Variants in THSD7B observed in about 807,000 individuals in gnomAD.
THSD7B encodes thrombospondin type 1 domain containing 7B.
In THSD7B, 138 loss-of-function variants were observed where a neutral mutation model predicts 213.6. That is an observed-to-expected ratio of 0.65 (90% CI 0.56 to 0.74). The LOEUF (loss-of-function observed/expected upper bound fraction) is 0.74, where lower values mean the gene tolerates loss of function less well. THSD7B is among the 30% of genes least tolerant of loss of function. THSD7B has a pLI of 0.00. For synonymous variants in THSD7B, 742 were observed against 687.0 expected (o/e 1.08, Z -1.25); for missense variants, 1,931 against 1,991.5 (o/e 0.97, Z 0.58).
intron 2 of THSD7B, among the ~76,000 whole-genome samples, chr2:137,015,074 C>T (rs980966003): frequency 2.0e-5 from 3 of 152,032 alleles, no homozygotes; most frequent in Non-Finnish European, 4.4e-5. Context: ...TACTTATCAC[C>T]ACTTACTCAT....
intron 10 of THSD7B, among the ~76,000 whole-genome samples, chr2:137,268,462 G>A (rs1249187199): frequency 6.6e-6 from 1 of 152,096 alleles, no homozygotes; most frequent in African/African-American, 2.4e-5. Context: ...CTTAATCCAT[G>A]TTATTATTTC....
intron 15 of THSD7B, among the ~76,000 whole-genome samples, chr2:137,453,082 G>A (rs977710230): frequency 6.6e-6 from 1 of 151,914 alleles, no homozygotes; most frequent in African/African-American, 2.4e-5. Context: ...ATATAATTTA[G>A]TTTGGCTTTT....
intron 15 of THSD7B, among the ~76,000 whole-genome samples, chr2:137,494,940 C>T (rs746451183): frequency 1.3e-5 from 2 of 152,158 alleles, no homozygotes; most frequent in African/African-American, 2.4e-5. Context: ...TTTTGTATCA[C>T]CTTCTCTAAG....
intron 2 of THSD7B, among the ~76,000 whole-genome samples, chr2:136,911,791 G>A (rs1050733614): frequency 3.3e-5 from 5 of 152,162 alleles, no homozygotes; most frequent in Non-Finnish European, 5.9e-5. Context: ...ACAAGAGAGC[G>A]CTTTACAGCC....
chr2:137,588,305 G>A (rs542353863), intron 17 of THSD7B, among the ~76,000 whole-genome samples: 2 of 152,268 alleles, frequency 1.3e-5, no homozygotes, highest in East Asian at 3.9e-4. Flanking sequence ...GCCTTACCCT[G>A]CTTTGGCTCA....
chr2:137,378,227 A>G (rs76060837), intron 12 of THSD7B, among the ~76,000 whole-genome samples: 4,523 of 152,276 alleles, frequency 0.03, 233 homozygotes, highest in African/African-American at 0.1. Flanking sequence ...ACAATGTCTT[A>G]AAGAATATGA....
At chr2:137,593,387 C>T (rs372910927) in intron 17 of THSD7B, among the ~76,000 whole-genome samples, 9 of 151,990 alleles carry the variant, frequency 5.9e-5, no homozygotes, top group East Asian at 3.9e-4. Flanking sequence ...TTTACAACAA[C>T]GTAGGAAACT....
chr2:137,128,911 G>C (rs1312095858), intron 5 of THSD7B, among the ~76,000 whole-genome samples: 1 of 152,172 alleles, frequency 6.6e-6, no homozygotes, highest in East Asian at 1.9e-4. Flanking sequence ...AGAACTTTAA[G>C]TGTCCAGGCT....
chr2:136,972,363 G>T (rs1685419092), intron 2 of THSD7B, among the ~76,000 whole-genome samples: 1 of 152,134 alleles, frequency 6.6e-6, no homozygotes, highest in South Asian at 2.1e-4. Flanking sequence ...AGCAAAAGCA[G>T]TTGCTCTAGC....
At chr2:137,317,463 A>C (rs934504463) in intron 12 of THSD7B, among the ~76,000 whole-genome samples, 7 of 152,236 alleles carry the variant, frequency 4.6e-5, no homozygotes, top group African/African-American at 1.7e-4. Flanking sequence ...GATGTCAAGC[A>C]AAACAAACAA....
At chr2:137,395,902 G>A (rs1686170593) in intron 12 of THSD7B, among the ~76,000 whole-genome samples, 1 of 150,864 alleles carries the variant, frequency 6.6e-6, no homozygotes, top group South Asian at 2.1e-4. Context: ...GAGAGTGTAT[G>A]TGTCGAAGAA....
intron 21 of THSD7B, among the ~76,000 whole-genome samples, chr2:137,643,792 A>G (rs35411120): frequency 6.6e-6 from 1 of 152,074 alleles, no homozygotes; most frequent in African/African-American, 2.4e-5. Context: ...AGGACAAAGG[A>G]TGGGAGGGAG....
chr2:137,063,602 G>C (rs1190474148), intron 3 of THSD7B, among the ~76,000 whole-genome samples: 2 of 151,844 alleles, frequency 1.3e-5, no homozygotes, highest in Admixed American at 1.3e-4. Context: ...TGTTTTGCTA[G>C]CAAATACTAG....
At chr2:136,988,788 A>G (rs895634945) in intron 2 of THSD7B, among the ~76,000 whole-genome samples, 3 of 152,196 alleles carry the variant, frequency 2.0e-5, no homozygotes, top group Non-Finnish European at 4.4e-5. Context: ...TAAAATGTCC[A>G]AGAAGTCTTC....
chr2:137,149,032 A>G (rs1272892982), intron 5 of THSD7B, among the ~76,000 whole-genome samples: 2 of 152,156 alleles, frequency 1.3e-5, no homozygotes, highest in Admixed American at 6.5e-5. Flanking sequence ...ATGATTTCAT[A>G]GGCTGGATCC....
chr2:137,222,758 A>C (rs1483279187), intron 7 of THSD7B, among the ~76,000 whole-genome samples: 1 of 152,200 alleles, frequency 6.6e-6, no homozygotes, highest in Admixed American at 6.5e-5. Context: ...GGCGTATAGA[A>C]GAGTGCTTTG....
rs186485788 is a variant in THSD7B, at chr2:137,560,496, G to C, written c.3139-2725G>C. On this transcript the variant is annotated intron_variant, in intron 15 of 27. Transcript: ENST00000409968. ...CAAACACCACATGTTCTCACTCATA[G>C]GTGGGAATTGAACAATGAGAACACA... 3.9e-5 allele frequency among the ~76,000 whole-genome samples: 6 copies of C among 152,156 alleles called. 1 individual carries two copies. In the East Asian group the frequency reaches 1.2e-3, roughly 29 times the overall value.
chr2:137,582,405 A>C (rs1263121915), intron 17 of THSD7B, among the ~76,000 whole-genome samples: 1 of 152,188 alleles, frequency 6.6e-6, no homozygotes, highest in Non-Finnish European at 1.5e-5. Flanking sequence ...TTTGTTACAT[A>C]TGTATCCATG....
chr2:137,237,395 A>T (rs1681790213), intron 9 of THSD7B, among the ~76,000 whole-genome samples: 1 of 152,224 alleles, frequency 6.6e-6, no homozygotes, highest in African/African-American at 2.4e-5. Flanking sequence ...CTGGAGAAAT[A>T]AGTCTAATAT....
Sources: gnomAD v4.1 joint callset for allele counts (sites outside exome capture counted in the v4.1 genomes callset) on GRCh38, gnomAD v4.1.1 for gene constraint, MANE v1.5 for transcripts, NCBI Gene and HGNC (gene_info 2026-07-23, HGNC 2026-07-21) for gene names.